The following KLF7 variants were observed in gnomAD, a reference collection of about 807,000 sequenced individuals.
KLF7 encodes KLF transcription factor 7, also known as Krueppel-like factor 7.
A neutral mutation model predicts 27.3 loss-of-function variants in KLF7; 2 were observed. That is an observed-to-expected ratio of 0.07 (90% CI 0.03 to 0.23). The LOEUF is 0.23. Among genes scored for constraint, KLF7 ranks in the 10% least tolerant of loss-of-function variants. The pLI is 1.00. For synonymous variants in KLF7, 165 were observed against 162.4 expected, an observed-to-expected ratio of 1.02 and a Z score of -0.12; for missense variants, 221 against 394.1, an observed-to-expected ratio of 0.56 and a Z score of 3.72.
intron 1 of KLF7, among the ~76,000 whole-genome samples, chr2:207,136,914 G>C (rs997667519): frequency 2.0e-5 from 3 of 152,146 alleles, no homozygotes; most frequent in Non-Finnish European, 4.4e-5. Flanking sequence ...GAAGGCACTT[G>C]CTGCTTCGTA....
chr2:207,108,252 T>C (rs2076933479), intron 2 of KLF7, among the ~76,000 whole-genome samples: 1 of 152,196 alleles, frequency 6.6e-6, no homozygotes, highest in Admixed American at 6.5e-5. Context: ...GGGAGAAAGA[T>C]ACACAGGTGG....
chr2:207,088,846 G>C (rs996146266), intron 2 of KLF7, among the ~76,000 whole-genome samples: 1 of 152,096 alleles, frequency 6.6e-6, no homozygotes, highest in Non-Finnish European at 1.5e-5. Flanking sequence ...TTAGTTCCCA[G>C]AGTCAGAGCA....
chr2:207,113,569 AG>A (rs1229376272), intron 2 of KLF7, among the ~76,000 whole-genome samples: 1 of 117,820 alleles, frequency 8.5e-6, no homozygotes, highest in Admixed American at 1.2e-4. Flanking sequence ...GAGCAGAAGT[AG>A]CCAATTACCC....
rs747740262 is a variant in KLF7, at chr2:207,165,589, C to T, written c.-21G>A. The T allele has an allele frequency of 3.1e-6, 5 of 1,612,552 alleles. No individual in the cohort carries two copies. The highest frequency in any genetic ancestry group is 3.3e-5 in the Admixed American group (2 of 59,986). On this transcript the variant is annotated 5_prime_UTR_variant, in exon 1 of 4. Coordinates refer to ENST00000309446, the MANE Select transcript of KLF7 (RefSeq NM_003709.4). ...TCCATGCTGCTGCTGCCGGGCAAAA[C>T]GGGAGGCGAAACCCTCCCCCGAACA...
At chr2:207,095,481 A>T (rs1054134106) in intron 2 of KLF7, among the ~76,000 whole-genome samples, 8 of 152,258 alleles carry the variant, frequency 5.3e-5, no homozygotes, top group Non-Finnish European at 1.2e-4. Context: ...TACAGCTCCT[A>T]CTTCAGAATA....
chr2:207,152,111 C>A (rs1247495672), intron 1 of KLF7, among the ~76,000 whole-genome samples: 2 of 152,066 alleles, frequency 1.3e-5, no homozygotes, highest in Admixed American at 6.6e-5. Context: ...TATTATAATA[C>A]CCTGGACTTT....
chr2:207,109,857 T>C (rs2076980070), intron 2 of KLF7: 1 of 154,764 alleles, frequency 6.5e-6, no homozygotes, highest in Admixed American at 6.5e-5. Flanking sequence ...ACATGGCACT[T>C]AGCATGACCC....
At chr2:207,086,105 C>A (rs1413837228) in intron 3 of KLF7, among the ~76,000 whole-genome samples, 1 of 152,054 alleles carries the variant, frequency 6.6e-6, no homozygotes, top group African/African-American at 2.4e-5. Flanking sequence ...CTAAACCCTA[C>A]TTAACTTCTA....
chr2:207,158,103 G>A (rs1437549718), intron 1 of KLF7, among the ~76,000 whole-genome samples: 1 of 152,168 alleles, frequency 6.6e-6, no homozygotes, highest in Non-Finnish European at 1.5e-5. Flanking sequence ...AAGAAGCCCT[G>A]AACTGGGAAG....
intron 1 of KLF7, among the ~76,000 whole-genome samples, chr2:207,145,637 C>G (rs1342711444): frequency 1.3e-5 from 2 of 152,170 alleles, no homozygotes; most frequent in Non-Finnish European, 2.9e-5. Flanking sequence ...TTCATTATGT[C>G]AGATGTGACT....
At chr2:207,136,124 C>G (rs1221761302) in intron 1 of KLF7, among the ~76,000 whole-genome samples, 1 of 152,210 alleles carries the variant, frequency 6.6e-6, no homozygotes, top group Non-Finnish European at 1.5e-5. Flanking sequence ...TCCCACACCA[C>G]CCCTTCCCTT....
intron 3 of KLF7, among the ~76,000 whole-genome samples, chr2:207,083,052 C>T (rs114893187): frequency 0.013 from 1,960 of 152,252 alleles, 24 homozygotes; most frequent in Middle Eastern, 0.02. Flanking sequence ...CCAATTATAC[C>T]CACTTACTTC....
chr2:207,104,970 C>T (rs1559123886), intron 2 of KLF7, among the ~76,000 whole-genome samples: 1 of 152,192 alleles, frequency 6.6e-6, no homozygotes, highest in African/African-American at 2.4e-5. Flanking sequence ...AACTCATCTA[C>T]CCTCCCCTAG....
In KLF7 at chr2:207,077,029, C is replaced by G. The variant is rs1382195840; in HGVS notation, c.*4184G>C. ...GTAGTTAAATGTGTTGCATCTTTAT[C>G]TTACTTTGCCTACCTTCTTCCTGCT... On this transcript the variant is annotated 3_prime_UTR_variant, in exon 4 of 4. Transcript: ENST00000309446. 6.6e-6 allele frequency: 1 copy of G among 152,204 alleles called. No homozygotes were observed. Among genetic ancestry groups the G allele is most frequent in the Non-Finnish European group, 1.5e-5 (1 of 68,038 alleles). 9.4% of individuals were successfully genotyped at this position (152,204 alleles called of 1,614,324 possible).
At chr2:207,165,440 T>C in intron 1 of KLF7, 27 bp downstream of exon 1, 1 of 1,613,978 alleles carries the variant, frequency 6.2e-7, no homozygotes, top group Non-Finnish European at 8.5e-7. Flanking sequence ...CACCACACGA[T>C]TTACACAAGT....
At chr2:207,107,777 C>T (rs2076917811) in intron 2 of KLF7, among the ~76,000 whole-genome samples, 1 of 152,202 alleles carries the variant, frequency 6.6e-6, no homozygotes, top group Non-Finnish European at 1.5e-5. Context: ...CTCTCTGCAG[C>T]AGAACACAGA....
At chr2:207,156,641 C>A (rs1466938979) in intron 1 of KLF7, among the ~76,000 whole-genome samples, 1 of 152,176 alleles carries the variant, frequency 6.6e-6, no homozygotes, top group Non-Finnish European at 1.5e-5. Context: ...CCAGGTTAAG[C>A]AAATTCCTGA....
At chr2:207,163,332 T>C (rs1189025284) in intron 1 of KLF7, among the ~76,000 whole-genome samples, 1 of 151,864 alleles carries the variant, frequency 6.6e-6, no homozygotes, top group African/African-American at 2.4e-5. Context: ...AGGCAAAAAA[T>C]GAGGGGGTTC....
At chr2:207,157,554 G>A (rs561227442) in intron 1 of KLF7, among the ~76,000 whole-genome samples, 1 of 152,210 alleles carries the variant, frequency 6.6e-6, no homozygotes, top group Non-Finnish European at 1.5e-5. Context: ...ACCCAGTCTT[G>A]GAACACCCTG....
Sources: allele counts gnomAD v4.1 joint callset (sites outside exome capture counted in the v4.1 genomes callset), GRCh38; gene constraint gnomAD v4.1.1; transcripts MANE v1.5; gene names NCBI Gene and HGNC (gene_info 2026-07-23, HGNC 2026-07-21).